Variants in ZC3H12B observed in about 807,000 individuals in gnomAD.
ZC3H12B encodes the protein probable ribonuclease ZC3H12B.
Under a neutral mutation model 43.9 loss-of-function variants are expected in ZC3H12B, and 7 were observed. The observed-to-expected ratio is 0.16, with a 90% CI of 0.09 to 0.30. ZC3H12B has a LOEUF of 0.30. Among genes scored for constraint, ZC3H12B ranks in the 10% least tolerant of loss-of-function variants. ZC3H12B has a pLI of 1.00. For missense variants in ZC3H12B, 475 were observed against 670.2 expected, an observed-to-expected ratio of 0.71 and a Z score of 3.22; for synonymous variants, 222 against 241.7, an observed-to-expected ratio of 0.92 and a Z score of 0.76.
chrX:65,107,449 ATTCT>A, the ZC3H12B span, among the ~76,000 whole-genome samples: 1 of 111,239 alleles, frequency 9.0e-6, no homozygotes, highest in African/African-American at 3.3e-5. Flanking sequence ...AACTGTAGGG[ATTCT>A]TTCTGAGAAA....
At chrX:65,166,052 CTTTT>C in the ZC3H12B span, among the ~76,000 whole-genome samples, 6 of 105,338 alleles carry the variant, frequency 5.7e-5, no homozygotes, top group Admixed American at 4.9e-4. Flanking sequence ...TTCTTTCTTT[CTTTT>C]TTATTATACT....
At chrX:65,190,153 C>G in the ZC3H12B span, among the ~76,000 whole-genome samples, 2 of 110,417 alleles carry the variant, frequency 1.8e-5, no homozygotes, top group Admixed American at 1.9e-4. Context: ...TTCCATTGAT[C>G]TATATCTCTG....
chrX:65,055,825 T>C, the ZC3H12B span, among the ~76,000 whole-genome samples: 1 of 111,838 alleles, frequency 8.9e-6, no homozygotes, highest in African/African-American at 3.3e-5. Context: ...GGAGCATGTA[T>C]GTTTCCAGGA....
the ZC3H12B span, among the ~76,000 whole-genome samples, chrX:65,353,756 G>C: frequency 1.8e-5 from 2 of 111,450 alleles, no homozygotes; most frequent in Non-Finnish European, 3.8e-5. Context: ...AAGTCGACCT[G>C]GGACACTCGA....
chrX:65,288,000 A>G, the ZC3H12B span, among the ~76,000 whole-genome samples: 1 of 108,300 alleles, frequency 9.2e-6, no homozygotes, highest in African/African-American at 3.4e-5. Context: ...ATATATATAT[A>G]TATATATATC....
chrX:65,502,455 G>A (rs151173685), exon 5 of ZC3H12B: 13 of 1,208,767 alleles, frequency 1.1e-5, no homozygotes, highest in Admixed American at 2.2e-5. Flanking sequence ...TCTGACAGCC[G>A]TGTGAGCCAT....
the ZC3H12B span, among the ~76,000 whole-genome samples, chrX:65,106,913 T>A: frequency 9.0e-6 from 1 of 111,475 alleles, no homozygotes; most frequent in East Asian, 2.8e-4. Flanking sequence ...TATGTAACTT[T>A]TCCAGGGTCA....
At chrX:65,230,258 C>T in the ZC3H12B span, among the ~76,000 whole-genome samples, 2 of 110,353 alleles carry the variant, frequency 1.8e-5, no homozygotes, top group Admixed American at 9.7e-5. Context: ...AATTGGAAAT[C>T]ATCATTCTCA....
At chrX:65,125,206 A>T in the ZC3H12B span, among the ~76,000 whole-genome samples, 255 of 111,506 alleles carry the variant, frequency 2.3e-3, 2 homozygotes, top group African/African-American at 7.7e-3. Context: ...CAGTTCAAAG[A>T]ATTTTAAAAT....
chrX:65,087,735 G>T, the ZC3H12B span, among the ~76,000 whole-genome samples: 1 of 111,943 alleles, frequency 8.9e-6, no homozygotes, highest in East Asian at 2.8e-4. Flanking sequence ...GGAAGATTAG[G>T]TGAAGGTCAT....
chrX:65,155,369 G>A, the ZC3H12B span, among the ~76,000 whole-genome samples: 141 of 110,884 alleles, frequency 1.3e-3, no homozygotes, highest in African/African-American at 4.4e-3. Context: ...ATCTGCTAAT[G>A]TGAAATACAT....
At chrX:65,059,403 G>C in the ZC3H12B span, among the ~76,000 whole-genome samples, 1 of 111,501 alleles carries the variant, frequency 9.0e-6, no homozygotes, top group African/African-American at 3.3e-5. Flanking sequence ...TTTTGTATAT[G>C]GGAAGAGTAG....
At chrX:65,304,849 A>T in the ZC3H12B span, among the ~76,000 whole-genome samples, 3 of 111,625 alleles carry the variant, frequency 2.7e-5, no homozygotes, top group African/African-American at 9.7e-5. Flanking sequence ...ATCAAAATTA[A>T]TTTTTCTGCT....
chrX:65,094,864 C>T, the ZC3H12B span, among the ~76,000 whole-genome samples: 2 of 111,967 alleles, frequency 1.8e-5, no homozygotes, highest in Non-Finnish European at 3.8e-5. Flanking sequence ...GAGGAAAAAA[C>T]ACTTGTGTGT....
the ZC3H12B span, among the ~76,000 whole-genome samples, chrX:65,160,182 T>A: frequency 8.9e-6 from 1 of 112,082 alleles, no homozygotes; most frequent in Non-Finnish European, 1.9e-5. Context: ...TTATTGAGGA[T>A]TTTTGCATCA....
the ZC3H12B span, among the ~76,000 whole-genome samples, chrX:65,074,944 C>A: frequency 8.9e-6 from 1 of 112,015 alleles, no homozygotes. Flanking sequence ...CCTTTAGGGT[C>A]AGTTCCTGGA....
intron 3 of ZC3H12B, among the ~76,000 whole-genome samples, chrX:65,428,322 G>A (rs1228412780): frequency 8.9e-6 from 1 of 111,954 alleles, no homozygotes; most frequent in Non-Finnish European, 1.9e-5. Context: ...GCTAGATAGG[G>A]GAAGTTTTCC....
At chrX:65,159,132 G>A in the ZC3H12B span, among the ~76,000 whole-genome samples, 5 of 111,724 alleles carry the variant, frequency 4.5e-5, no homozygotes, top group Non-Finnish European at 9.4e-5. Context: ...ATTGGTCTAT[G>A]TCTCTGTTTT....
At chrX:65,142,244 A>G in the ZC3H12B span, among the ~76,000 whole-genome samples, 23 of 112,194 alleles carry the variant, frequency 2.1e-4, no homozygotes, top group Admixed American at 1.4e-3. Flanking sequence ...TTGCATTTCC[A>G]TGATCATTAG....
Sources: allele counts gnomAD v4.1 joint callset (sites outside exome capture counted in the v4.1 genomes callset), GRCh38; gene constraint gnomAD v4.1.1; transcripts MANE v1.5; gene names NCBI Gene and HGNC (gene_info 2026-07-23, HGNC 2026-07-21).